The following KCNMA1 variants were observed in gnomAD, a reference collection of about 807,000 sequenced individuals.
KCNMA1 encodes the protein Calcium-activated potassium channel subunit alpha-1.
KCNMA1 carries 29 observed loss-of-function variants against 140.0 expected under a neutral mutation model. That is an observed-to-expected ratio of 0.21 (90% CI 0.15 to 0.28). The LOEUF (loss-of-function observed/expected upper bound fraction) is 0.28, where lower values mean the gene tolerates loss of function less well. KCNMA1 is among the 10% of genes least tolerant of loss of function. KCNMA1 has a pLI of 1.00. For synonymous variants in KCNMA1, 612 were observed against 611.9 expected (o/e 1.00, Z 0.00); for missense variants, 880 against 1,602.2 (o/e 0.55, Z 7.70).
At chr10:77,181,204 C>T (rs1303787205) in intron 5 of KCNMA1, among the ~76,000 whole-genome samples, 2 of 152,288 alleles carry the variant, frequency 1.3e-5, no homozygotes, top group South Asian at 2.1e-4. Flanking sequence ...TTTAAACCCC[C>T]ATTCTTCAGA....
At chr10:76,908,317 A>G (rs542732026) in intron 25 of KCNMA1, among the ~76,000 whole-genome samples, 4 of 152,342 alleles carry the variant, frequency 2.6e-5, no homozygotes, top group Admixed American at 2.6e-4. Flanking sequence ...GCCATAAGAA[A>G]GATCATGAGC....
At chr10:77,192,658 A>G (rs1415563295) in intron 3 of KCNMA1, among the ~76,000 whole-genome samples, 1 of 152,236 alleles carries the variant, frequency 6.6e-6, no homozygotes, top group African/African-American at 2.4e-5. Context: ...CAAAAGTGAT[A>G]GTAATTTCCA....
chr10:77,324,971 C>CTCTGTG (rs766240356), intron 2 of KCNMA1, among the ~76,000 whole-genome samples: 65 of 90,438 alleles, frequency 7.2e-4, no homozygotes, highest in African/African-American at 2.6e-3. Context: ...CTCTCTCTCT[C>CTCTGTG]TGTGTGTGTG....
At chr10:77,328,501 A>C (rs1334086639) in intron 2 of KCNMA1, among the ~76,000 whole-genome samples, 1 of 152,206 alleles carries the variant, frequency 6.6e-6, no homozygotes, top group East Asian at 1.9e-4. Flanking sequence ...AAGTCAGAAA[A>C]AAGGCCTCAA....
intron 9 of KCNMA1, among the ~76,000 whole-genome samples, chr10:77,102,508 C>G (rs2097123611): frequency 6.6e-6 from 1 of 152,206 alleles, no homozygotes; most frequent in South Asian, 2.1e-4. Context: ...GATGCCATCT[C>G]CCGATAAGTC....
intron 2 of KCNMA1, among the ~76,000 whole-genome samples, chr10:77,346,387 C>T (rs1301506226): frequency 2.0e-5 from 3 of 152,124 alleles, no homozygotes; most frequent in Non-Finnish European, 4.4e-5. Flanking sequence ...TCTCACTGGC[C>T]TTCCCTCCCT....
intron 2 of KCNMA1, among the ~76,000 whole-genome samples, chr10:77,364,526 A>G (rs919462060): frequency 6.6e-6 from 1 of 152,212 alleles, no homozygotes; most frequent in Non-Finnish European, 1.5e-5. Context: ...GGAGGCTTAC[A>G]TTAACTCATT....
chr10:77,369,986 C>G (rs1220568331), intron 2 of KCNMA1, among the ~76,000 whole-genome samples: 1 of 152,180 alleles, frequency 6.6e-6, no homozygotes, highest in African/African-American at 2.4e-5. Context: ...ATGTCTTTTT[C>G]TGTGGCTCCT....
intron 1 of KCNMA1, among the ~76,000 whole-genome samples, chr10:77,416,744 C>T (rs1331815731): frequency 6.6e-6 from 1 of 152,204 alleles, no homozygotes; most frequent in Non-Finnish European, 1.5e-5. Flanking sequence ...CAGAGTCTGC[C>T]TGATTTGCCC....
At chr10:76,945,359 G>A (rs2063634610) in intron 22 of KCNMA1, among the ~76,000 whole-genome samples, 1 of 152,078 alleles carries the variant, frequency 6.6e-6, no homozygotes, top group Admixed American at 6.5e-5. Flanking sequence ...GTAACAAGGG[G>A]GTGGGTTTCA....
intron 14 of KCNMA1, among the ~76,000 whole-genome samples, chr10:77,048,134 G>A (rs199724377): frequency 7.4e-5 from 1 of 13,546 alleles, no homozygotes; most frequent in East Asian, 8.1e-4. Flanking sequence ...AAATAAATAA[G>A]AATTACAAAA....
chr10:77,295,632 T>C (rs1253812435), intron 2 of KCNMA1, among the ~76,000 whole-genome samples: 1 of 146,748 alleles, frequency 6.8e-6, no homozygotes, highest in Non-Finnish European at 1.5e-5. Flanking sequence ...ATACAAAAAA[T>C]TAGCCGGGCG....
Position 77,108,647 on chromosome 10 carries a change from G to A in KCNMA1, c.1132-75C>T. ...AGGGGGGACCTGTTCAGAGGGTGGG[G>A]GCACTAAGATCTGAAAACACAAAAG... is the stretch of plus-strand genomic sequence containing the variant. On this transcript the variant is annotated intron_variant, in intron 8 of 27. Transcript: ENST00000286628. This position sits in a 1 kb window ranked among gnomAD's most constrained non-coding sequence, Gnocchi z 4.6. 1 of 1,077,126 alleles carries A rather than the reference G, an allele frequency of 9.3e-7. No individual in the cohort carries two copies. Among genetic ancestry groups the A allele is most frequent in the South Asian group, 1.3e-5 (1 of 79,696 alleles). The allele number at this position is 1,077,126 out of a possible 1,614,324, so 66.7% of individuals were successfully genotyped here.
chr10:77,004,213 CCACACA>C lies in KCNMA1; in HGVS notation c.2093-2639_2093-2634del, dbSNP rs35789536. 8.1e-3 allele frequency among the ~76,000 whole-genome samples: 1,168 copies of C among 144,426 alleles called. 12 individuals are homozygous for C. The highest frequency in any genetic ancestry group is 0.046 in the South Asian group (205 of 4,436). 94.7% of individuals were successfully genotyped at this position (144,426 alleles called of 152,430 possible). A position where few individuals can be genotyped will look rare whatever the true frequency, so the allele number is the denominator to read the frequency against. ...AATCTCAAAAGACAAACAAGTGCCACCACACACACACACACACACACACACACACAC... is the reference window on the plus strand; with the variant it reads ...AATCTCAAAAGACAAACAAGTGCCACCACACACACACACACACACACACAC... On this transcript the variant is annotated intron_variant, in intron 18 of 27. Transcript: ENST00000286628.
intron 2 of KCNMA1, among the ~76,000 whole-genome samples, chr10:77,327,789 A>C (rs1465557097): frequency 6.6e-6 from 1 of 152,102 alleles, no homozygotes; most frequent in Admixed American, 6.6e-5. Flanking sequence ...ACTGCAAAAA[A>C]AAAAAGTTTC....
At chr10:77,554,712 G>A (rs1669872314) in intron 1 of KCNMA1, among the ~76,000 whole-genome samples, 1 of 151,906 alleles carries the variant, frequency 6.6e-6, no homozygotes. Context: ...AAGAAACTTT[G>A]CCTCTGCCCA....
chr10:77,171,715 T>C (rs2247887), intron 5 of KCNMA1, among the ~76,000 whole-genome samples: 138,802 of 152,148 alleles, frequency 0.91, 63,440 homozygotes, highest in African/African-American at 0.97. Context: ...TCCTCAGCCC[T>C]ACCTTTCAGA....
At chr10:76,944,732 C>T (rs761508399) in intron 23 of KCNMA1, 41 bp downstream of exon 23, 12 of 1,570,194 alleles carry the variant, frequency 7.6e-6, no homozygotes, top group Non-Finnish European at 9.6e-6. Context: ...AGCCCCTGTC[C>T]CCTGCAGGCA....
At chr10:77,018,475 GA>G (rs1365818091) in intron 17 of KCNMA1, among the ~76,000 whole-genome samples, 5 of 152,154 alleles carry the variant, frequency 3.3e-5, no homozygotes, top group Non-Finnish European at 7.4e-5. Flanking sequence ...GTAGGCCAGT[GA>G]AATCCTGTGC....
Sources: gnomAD v4.1 joint callset for allele counts (sites outside exome capture counted in the v4.1 genomes callset) on GRCh38, gnomAD v4.1.1 for gene constraint, Gnocchi (gnomAD v3.1) non-coding constraint, MANE v1.5 for transcripts, NCBI Gene and HGNC (gene_info 2026-07-23, HGNC 2026-07-21) for gene names.